The following RORA variants were observed in gnomAD, a reference collection of about 807,000 sequenced individuals.
RORA encodes the protein nuclear receptor ROR-alpha.
A neutral mutation model predicts 69.5 loss-of-function variants in RORA; 7 were observed. The observed-to-expected ratio is 0.10, with a 90% CI of 0.06 to 0.19. RORA has a LOEUF of 0.19. Among genes scored for constraint, RORA ranks in the 10% least tolerant of loss-of-function variants. The pLI, the probability that RORA is intolerant of heterozygous loss-of-function variation, is 1.00. For synonymous variants in RORA, 261 were observed against 240.8 expected (o/e 1.08, Z -0.78); for missense variants, 457 against 663.0 (o/e 0.69, Z 3.41).
At chr15:60,730,185 T>C (rs1480847905) in intron 1 of RORA, among the ~76,000 whole-genome samples, 1 of 152,228 alleles carries the variant, frequency 6.6e-6, no homozygotes, top group African/African-American at 2.4e-5. Context: ...GGAGAAGATC[T>C]GTACTAGATG....
intron 1 of RORA, among the ~76,000 whole-genome samples, chr15:61,145,359 A>G (rs961068383): frequency 1.8e-4 from 28 of 152,242 alleles, no homozygotes; most frequent in Non-Finnish European, 1.0e-4. Flanking sequence ...ATTTACAGAT[A>G]TGGACACAGA....
At chr15:60,757,069 A>G (rs2071812569) in intron 1 of RORA, among the ~76,000 whole-genome samples, 1 of 152,214 alleles carries the variant, frequency 6.6e-6, no homozygotes, top group Admixed American at 6.6e-5. Flanking sequence ...TTTGCATTAC[A>G]TGCAAAACCA....
At chr15:60,950,196 T>A (rs1236872553) in intron 1 of RORA, among the ~76,000 whole-genome samples, 1 of 151,500 alleles carries the variant, frequency 6.6e-6, no homozygotes, top group African/African-American at 2.4e-5. Flanking sequence ...CTAAGCTTCA[T>A]AAGTGAAGGA....
At chr15:60,549,520 A>AGTT (rs536208039) in intron 2 of RORA, among the ~76,000 whole-genome samples, 274 of 150,940 alleles carry the variant, frequency 1.8e-3, no homozygotes, top group African/African-American at 6.3e-3. Flanking sequence ...AGGATCTCAC[A>AGTT]TGTTTGTCAT....
intron 1 of RORA, among the ~76,000 whole-genome samples, chr15:60,944,352 GC>G (rs1892798370): frequency 6.6e-6 from 1 of 152,124 alleles, no homozygotes; most frequent in African/African-American, 2.4e-5. Flanking sequence ...CGTACTAAGG[GC>G]CAGGGACTCT....
chr15:60,500,312 G>A (rs777427267), intron 9 of RORA, among the ~76,000 whole-genome samples: 7 of 152,054 alleles, frequency 4.6e-5, no homozygotes, highest in Middle Eastern at 3.2e-3. Context: ...ATGGCCCCTC[G>A]AGACGTTCTA....
intron 1 of RORA, among the ~76,000 whole-genome samples, chr15:60,974,072 G>A (rs1466442356): frequency 6.6e-6 from 1 of 152,146 alleles, no homozygotes; most frequent in Non-Finnish European, 1.5e-5. Context: ...CTTGAATCCC[G>A]GGGGTAAATG....
intron 1 of RORA, among the ~76,000 whole-genome samples, chr15:61,188,049 C>T (rs2079761042): frequency 6.6e-6 from 1 of 152,170 alleles, no homozygotes; most frequent in African/African-American, 2.4e-5. Flanking sequence ...AGTGATGTTG[C>T]TCTCACCACA....
intron 1 of RORA, among the ~76,000 whole-genome samples, chr15:61,186,431 A>G (rs2079742203): frequency 1.3e-5 from 2 of 152,062 alleles, no homozygotes; most frequent in Non-Finnish European, 2.9e-5. Context: ...ACTTGAGGTC[A>G]GGAGTTCGAG....
chr15:61,024,369 C>T (rs922247844), intron 1 of RORA, among the ~76,000 whole-genome samples: 38 of 132,034 alleles, frequency 2.9e-4, no homozygotes, highest in African/African-American at 7.0e-4. Context: ...GTGAGGCTTT[C>T]ACCTCCTACA....
chr15:61,178,002 G>A (rs2079646934), intron 1 of RORA, among the ~76,000 whole-genome samples: 1 of 151,562 alleles, frequency 6.6e-6, no homozygotes, highest in Non-Finnish European at 1.5e-5. Context: ...AGGAGAAAAA[G>A]AAGGAAAGAA....
At chr15:60,833,008 C>T (rs1038196497) in intron 1 of RORA, among the ~76,000 whole-genome samples, 2 of 151,308 alleles carry the variant, frequency 1.3e-5, no homozygotes, top group Admixed American at 6.6e-5. Flanking sequence ...AGGTTCATGC[C>T]ATTCTCCTGC....
At chr15:61,182,390 G>A (rs1364836732) in intron 1 of RORA, among the ~76,000 whole-genome samples, 1 of 152,186 alleles carries the variant, frequency 6.6e-6, no homozygotes, top group Non-Finnish European at 1.5e-5. Context: ...TCAGAAATGT[G>A]CGTTTGGAAA....
chr15:60,747,673 T>C (rs958913622), intron 1 of RORA, among the ~76,000 whole-genome samples: 1 of 152,038 alleles, frequency 6.6e-6, no homozygotes, highest in African/African-American at 2.4e-5. Context: ...AGAGGCGGTT[T>C]TGAGATGCAC....
intron 2 of RORA, among the ~76,000 whole-genome samples, chr15:60,604,299 G>C (rs906856999): frequency 6.6e-6 from 1 of 152,134 alleles, no homozygotes; most frequent in Non-Finnish European, 1.5e-5. Context: ...GCACATACTT[G>C]TCTGCCAATG....
At chr15:60,559,685 A>G (rs2067475257) in intron 2 of RORA, among the ~76,000 whole-genome samples, 1 of 152,226 alleles carries the variant, frequency 6.6e-6, no homozygotes, top group Admixed American at 6.5e-5. Context: ...CAAGAGAAAG[A>G]TGTCGTGCAA....
In RORA at chr15:61,131,313, T is replaced by A. The variant is rs543982130; in HGVS notation, c.166+97740A>T. ...GTGTATTTATCTGTTAATAAATAAATCCATGTTTTAAAAGTTTTGAATTGT... is the reference window on the plus strand; with the variant it reads ...GTGTATTTATCTGTTAATAAATAAAACCATGTTTTAAAAGTTTTGAATTGT... On this transcript the variant is annotated intron_variant, in intron 1 of 10. Coordinates refer to ENST00000335670, the MANE Select transcript of RORA (RefSeq NM_134261.3). This position sits in a 1 kb window ranked among gnomAD's most constrained non-coding sequence, Gnocchi z 4.2. Among the ~76,000 whole-genome samples the A allele has an allele frequency of 2.6e-5, 4 of 152,366 alleles. No homozygotes were observed. Among genetic ancestry groups the A allele is most frequent in the Non-Finnish European group, 5.9e-5 (4 of 68,026 alleles).
At chr15:61,069,904 A>G (rs1023804040) in intron 1 of RORA, among the ~76,000 whole-genome samples, 2 of 152,192 alleles carry the variant, frequency 1.3e-5, no homozygotes, top group Non-Finnish European at 2.9e-5. Context: ...GAATAAACCC[A>G]AAGTCCATTC....
intron 1 of RORA, among the ~76,000 whole-genome samples, chr15:61,144,607 A>C (rs543079099): frequency 1.1e-4 from 16 of 152,348 alleles, no homozygotes; most frequent in African/African-American, 3.8e-4. Context: ...AAATCAAAAC[A>C]AGTATCATCT....
Sources: allele counts gnomAD v4.1 joint callset (sites outside exome capture counted in the v4.1 genomes callset), GRCh38; gene constraint gnomAD v4.1.1; non-coding constraint Gnocchi (gnomAD v3.1); transcripts MANE v1.5; gene names NCBI Gene and HGNC (gene_info 2026-07-23, HGNC 2026-07-21).